DPYD: variants seen among roughly 807,000 people sequenced by gnomAD.
DPYD encodes the protein dihydropyrimidine dehydrogenase, also known as dihydropyrimidine dehydrogenase [NADP(+)].
A neutral mutation model predicts 116.2 loss-of-function variants in DPYD; 109 were observed. That is an observed-to-expected ratio of 0.94 (90% confidence interval 0.80 to 1.10). The LOEUF is 1.10. Ranked by LOEUF, DPYD falls within the 50% of genes least tolerant of loss-of-function variation. The probability of loss-of-function intolerance (pLI) is 0.00; values close to 1 mark genes in which losing one functional copy is unlikely to be tolerated. For missense variants in DPYD, 1,302 were observed against 1,254.5 expected (o/e 1.04, Z -0.57); for synonymous variants, 440 against 432.0 (o/e 1.02, Z -0.23).
chr1:97,228,613 G>A (rs182221290), intron 19 of DPYD, among the ~76,000 whole-genome samples: 125 of 152,144 alleles, frequency 8.2e-4, no homozygotes, highest in African/African-American at 3.0e-3. Context: ...ACCCATTACA[G>A]GACTTCTATT....
intron 4 of DPYD, among the ~76,000 whole-genome samples, chr1:97,722,058 A>C (rs1005862421): frequency 7.3e-5 from 11 of 151,724 alleles, no homozygotes; most frequent in African/African-American, 2.4e-4. Context: ...CTAAACTTTA[A>C]AACAACAAAA....
At chr1:97,200,537 T>C (rs1371189379) in intron 19 of DPYD, among the ~76,000 whole-genome samples, 1 of 152,144 alleles carries the variant, frequency 6.6e-6, no homozygotes, top group African/African-American at 2.4e-5. Flanking sequence ...TCTTAAAGCT[T>C]TCTCAGGAAA....
chr1:97,309,301 T>C (rs548425963), intron 16 of DPYD, among the ~76,000 whole-genome samples: 1 of 151,136 alleles, frequency 6.6e-6, no homozygotes, highest in African/African-American at 2.4e-5. Flanking sequence ...TGAACATGAT[T>C]TGCAATCTCT....
intron 14 of DPYD, among the ~76,000 whole-genome samples, chr1:97,426,166 A>G (rs1238442912): frequency 2.6e-5 from 4 of 151,996 alleles, no homozygotes; most frequent in Non-Finnish European, 5.9e-5. Flanking sequence ...GGTACGAGGC[A>G]AGAGGTCATG....
intron 5 of DPYD, among the ~76,000 whole-genome samples, chr1:97,719,402 C>T (rs745944880): frequency 1.3e-5 from 2 of 151,848 alleles, no homozygotes; most frequent in South Asian, 4.1e-4. Context: ...TTGTAATCTG[C>T]TTTCCTAACC....
At chr1:97,239,489 C>G (rs1413322058) in intron 18 of DPYD, among the ~76,000 whole-genome samples, 1 of 151,466 alleles carries the variant, frequency 6.6e-6, no homozygotes, top group African/African-American at 2.4e-5. Context: ...TTTCCTGGTT[C>G]ATCAGTTTGT....
In DPYD at chr1:97,568,035, G is replaced by A. The variant is rs114314839; in HGVS notation, c.1339+5725C>T. Among the ~76,000 whole-genome samples the A allele has an allele frequency of 3.6e-3, 551 of 151,884 alleles. 6 individuals carry two copies. The highest frequency in any genetic ancestry group is 0.013 in the African/African-American group (538 of 41,412). ...TAAAAATAGTTGAAAAATTGTTTTC[G>A]ATGGCATGAAAAACATTAGAATTGA... is the stretch of plus-strand genomic sequence containing the variant. On this transcript the variant is annotated intron_variant, in intron 11 of 22. Transcript: ENST00000370192.
intron 20 of DPYD, among the ~76,000 whole-genome samples, chr1:97,131,265 C>G (rs936128571): frequency 2.6e-5 from 4 of 152,088 alleles, no homozygotes; most frequent in African/African-American, 9.7e-5. Context: ...TGGCTTTCAT[C>G]TATTCTTAGT....
Position 97,920,797 on chromosome 1 carries a change from G to A in DPYD, c.39+87C>T, listed in dbSNP as rs1029422011. On this transcript the variant is annotated intron_variant, in intron 1 of 22. Coordinates refer to ENST00000370192, the MANE Select transcript of DPYD (RefSeq NM_000110.4). The stretch of plus-strand genomic sequence containing the variant: ...CCGCGTCTCTCACTCTCCGGGGTGC[G>A]GGGGCCGCGGGGGCCTCCCCGGCAC... 6 of 1,509,684 alleles carry A rather than the reference G, an allele frequency of 4.0e-6. No individual in the cohort carries two copies. The African/African-American group carries it at 6.9e-5, about 17-fold the overall frequency. The allele number at this position is 1,509,684 out of a possible 1,614,324, so 93.5% of individuals were successfully genotyped here.
rs139902465 is a variant in DPYD at position 97,231,954 on chromosome 1, T to C, written c.2442+2898A>G. ...TGTGGATGAAAATAAATTCAGGTGA[T>C]ACTCAAGCCTGGATACTGTTATCTT... On this transcript the variant is annotated intron_variant, in intron 19 of 22. Coordinates refer to ENST00000370192, the MANE Select transcript of DPYD (RefSeq NM_000110.4). Among the ~76,000 whole-genome samples the C allele has an allele frequency of 8.4e-4, 128 of 152,324 alleles. 1 individual carries two copies. The highest frequency in any genetic ancestry group is 2.9e-3 in the African/African-American group (122 of 41,580).
At chr1:97,300,073 A>G (rs374532013) in intron 18 of DPYD, among the ~76,000 whole-genome samples, 1 of 152,296 alleles carries the variant, frequency 6.6e-6, no homozygotes. Context: ...TTCTGCAAAT[A>G]TAGTACATAC....
intron 2 of DPYD, among the ~76,000 whole-genome samples, chr1:97,844,196 C>T (rs1670176400): frequency 1.3e-5 from 2 of 152,154 alleles, no homozygotes; most frequent in Admixed American, 6.5e-5. Context: ...TCTTGCCAAA[C>T]CATGGTGATA....
intron 18 of DPYD, among the ~76,000 whole-genome samples, chr1:97,270,669 T>G (rs554759739): frequency 1.3e-5 from 2 of 152,284 alleles, no homozygotes; most frequent in South Asian, 4.1e-4. Flanking sequence ...TGGGAATTTG[T>G]CTGCTAAAAG....
intron 19 of DPYD, among the ~76,000 whole-genome samples, chr1:97,207,393 G>A (rs191839667): frequency 1.1e-3 from 174 of 152,202 alleles, no homozygotes; most frequent in African/African-American, 3.9e-3. Flanking sequence ...GATGCAGGGA[G>A]TAACTCTACT....
intron 12 of DPYD, among the ~76,000 whole-genome samples, chr1:97,517,631 C>T (rs1648325760): frequency 6.6e-6 from 1 of 152,052 alleles, no homozygotes; most frequent in African/African-American, 2.4e-5. Context: ...ATTTATGAAA[C>T]CTTGCTTGAT....
chr1:97,514,994 AG>A (rs1023449686), intron 13 of DPYD, among the ~76,000 whole-genome samples: 2 of 152,000 alleles, frequency 1.3e-5, no homozygotes, highest in African/African-American at 4.8e-5. Flanking sequence ...ACTACCAGTT[AG>A]TATTAAATAC....
chr1:97,908,555 T>C (rs1251305134), intron 1 of DPYD, among the ~76,000 whole-genome samples: 1 of 152,066 alleles, frequency 6.6e-6, no homozygotes, highest in Non-Finnish European at 1.5e-5. Flanking sequence ...TCTTGGCTCA[T>C]TTAGCATCTG....
At chr1:97,115,616 G>A (rs1651909371) in intron 20 of DPYD, among the ~76,000 whole-genome samples, 1 of 152,088 alleles carries the variant, frequency 6.6e-6, no homozygotes. Context: ...CTTTTATAAT[G>A]AGGAAAATGT....
chr1:97,646,081 C>T (rs1316961375), intron 8 of DPYD, among the ~76,000 whole-genome samples: 2 of 152,016 alleles, frequency 1.3e-5, no homozygotes, highest in Non-Finnish European at 2.9e-5. Context: ...CAAAAGTTTT[C>T]CTAGGATATT....
Sources: allele counts gnomAD v4.1 joint callset (sites outside exome capture counted in the v4.1 genomes callset), GRCh38; gene constraint gnomAD v4.1.1; transcripts MANE v1.5; gene names NCBI Gene and HGNC (gene_info 2026-07-23, HGNC 2026-07-21).